The following CSMD1 variants were observed in gnomAD, a reference collection of about 807,000 sequenced individuals.
The protein encoded by CSMD1 is CUB and sushi domain-containing protein 1.
Under a neutral mutation model 417.5 loss-of-function variants are expected in CSMD1, and 213 were observed. The ratio of observed to expected loss-of-function variants is 0.51; its 90% CI spans 0.46 to 0.57. The LOEUF (loss-of-function observed/expected upper bound fraction) is 0.57, where lower values mean the gene tolerates loss of function less well. Among genes scored for constraint, CSMD1 ranks in the 20% least tolerant of loss-of-function variants. The probability of loss-of-function intolerance (pLI) is 0.00; values close to 1 mark genes in which losing one functional copy is unlikely to be tolerated. For missense variants in CSMD1, 6,923 were observed against 4,529.7 expected (o/e 1.53, Z -15.17); for synonymous variants, 2,862 against 1,736.8 (o/e 1.65, Z -16.11).
intron 3 of CSMD1, among the ~76,000 whole-genome samples, chr8:4,375,106 T>TGAAGAAC (rs1554450797): frequency 6.6e-6 from 1 of 151,946 alleles, no homozygotes; most frequent in Non-Finnish European, 1.5e-5. Context: ...TTGGCAGACC[T>TGAAGAAC]GAAGAACGAA....
chr8:3,493,156 T>C (rs1796205984), intron 11 of CSMD1, among the ~76,000 whole-genome samples: 1 of 151,894 alleles, frequency 6.6e-6, no homozygotes, highest in Non-Finnish European at 1.5e-5. Flanking sequence ...TAGCCTGGCA[T>C]GATGGCACAC....
chr8:4,373,525 G>T (rs1241648808), intron 3 of CSMD1, among the ~76,000 whole-genome samples: 1 of 152,020 alleles, frequency 6.6e-6, no homozygotes, highest in Non-Finnish European at 1.5e-5. Flanking sequence ...CAGAACTACT[G>T]CATTATTCCT....
rs183067266 is a variant in CSMD1, at chr8:3,738,532, G to A, written c.931+15398C>T. ...GATCAGAAATGCAAATACTGGTCCT[G>A]CCGCCAAACATGAATGCCCTTCCCT... On this transcript the variant is annotated intron_variant, in intron 6 of 69. Coordinates refer to ENST00000635120, the MANE Select transcript of CSMD1 (RefSeq NM_033225.6). 3.3e-5 allele frequency among the ~76,000 whole-genome samples: 5 copies of A among 152,302 alleles called. No individual in the cohort carries two copies. The East Asian group carries it at 7.7e-4, about 24-fold the overall frequency.
intron 5 of CSMD1, among the ~76,000 whole-genome samples, chr8:3,839,898 G>C (rs1803006768): frequency 6.6e-6 from 1 of 152,120 alleles, no homozygotes; most frequent in East Asian, 1.9e-4. Flanking sequence ...TTTTGAGGTA[G>C]TAGGTACCTA....
chr8:4,454,216 C>A (rs546653027), intron 2 of CSMD1, among the ~76,000 whole-genome samples: 1 of 152,094 alleles, frequency 6.6e-6, no homozygotes, highest in African/African-American at 2.4e-5. Flanking sequence ...GTCTCCTTAT[C>A]CACCCCCAAC....
chr8:4,342,235 G>C (rs1309601494), intron 3 of CSMD1, among the ~76,000 whole-genome samples: 5 of 151,244 alleles, frequency 3.3e-5, no homozygotes, highest in African/African-American at 9.7e-5. Context: ...GTGTGTGTCT[G>C]TGTGTGTGTG....
chr8:4,564,467 C>A (rs547231070), intron 2 of CSMD1, among the ~76,000 whole-genome samples: 147 of 152,214 alleles, frequency 9.7e-4, no homozygotes, highest in South Asian at 1.5e-3. Context: ...GGGGCCTGAT[C>A]CTGGTTCAGG....
At chr8:3,633,846 G>T (rs1039951251) in intron 7 of CSMD1, among the ~76,000 whole-genome samples, 1 of 152,132 alleles carries the variant, frequency 6.6e-6, no homozygotes, top group African/African-American at 2.4e-5. Flanking sequence ...TAAATATCAG[G>T]CTGTGAACAT....
In CSMD1 at chr8:4,281,553, T is replaced by C. The variant is rs1796785947; in HGVS notation, c.415+138400A>G. Among the ~76,000 whole-genome samples, 3 of 152,244 alleles carry C rather than the reference T, an allele frequency of 2.0e-5. No homozygotes were observed. The South Asian group carries it at 6.2e-4, about 31-fold the overall frequency. ...ACATTAAAGGTCCTTTAAAATGTTG[T>C]GACAAATGAGACTGTTCTTTTTCTG... On this transcript the variant is annotated intron_variant, in intron 3 of 69. Coordinates refer to ENST00000635120, the MANE Select transcript of CSMD1 (RefSeq NM_033225.6).
At chr8:3,063,252 T>A (rs941892432) in intron 49 of CSMD1, among the ~76,000 whole-genome samples, 8 of 152,214 alleles carry the variant, frequency 5.3e-5, no homozygotes, top group African/African-American at 1.9e-4. Flanking sequence ...GAAGCACATG[T>A]TGTCTCTGAT....
chr8:3,515,965 C>T lies in CSMD1; in HGVS notation c.1345-22239G>A, dbSNP rs534608890. On this transcript the variant is annotated intron_variant, in intron 10 of 69. Coordinates refer to ENST00000635120, the MANE Select transcript of CSMD1 (RefSeq NM_033225.6). ...TGTTTGAGTGACGTACCAAACTGTT[C>T]GTTGCCAGTCAATGTTCTAAAGGTT... Among the ~76,000 whole-genome samples, 19 of 152,230 alleles carry T rather than the reference C, an allele frequency of 1.2e-4. 1 individual carries two copies. The South Asian group carries it at 3.3e-3, about 27-fold the overall frequency.
intron 3 of CSMD1, among the ~76,000 whole-genome samples, chr8:4,154,652 T>C (rs1015557774): frequency 1.3e-5 from 2 of 152,204 alleles, no homozygotes; most frequent in Non-Finnish European, 2.9e-5. Flanking sequence ...AGGAATTGTA[T>C]TCTAGTCCCT....
chr8:3,278,672 G>A (rs1802497134), intron 26 of CSMD1: 1 of 151,450 alleles, frequency 6.6e-6, no homozygotes, highest in Non-Finnish European at 1.5e-5. Flanking sequence ...TTTGGTCCCA[G>A]GTTCATAAAG....
chr8:3,357,481 G>C (rs1201965984), intron 21 of CSMD1, among the ~76,000 whole-genome samples: 2 of 152,154 alleles, frequency 1.3e-5, no homozygotes, highest in East Asian at 1.9e-4. Context: ...TTAATAAATA[G>C]TACCTATTCT....
At chr8:4,764,183 TGA>T (rs1028832542) in intron 1 of CSMD1, among the ~76,000 whole-genome samples, 4 of 152,210 alleles carry the variant, frequency 2.6e-5, no homozygotes, top group African/African-American at 9.6e-5. Flanking sequence ...GCTGAAATCA[TGA>T]GAGTGACCAT....
rs557582098 is a variant in CSMD1, at chr8:4,444,651, CATG to C, written c.303-24589_303-24587del. Among the ~76,000 whole-genome samples the C allele has an allele frequency of 3.3e-5, 5 of 152,184 alleles. No individual in the cohort carries two copies. The South Asian group carries it at 6.2e-4, about 19-fold the overall frequency. ...TAAACATGGTTATTATCATTCAGGGCATGATTGTAATTGTGATGACATGTTGAA... is the reference window on the plus strand; with the variant it reads ...TAAACATGGTTATTATCATTCAGGGCATTGTAATTGTGATGACATGTTGAA... On this transcript the variant is annotated intron_variant, in intron 2 of 69. Coordinates refer to ENST00000635120, the MANE Select transcript of CSMD1 (RefSeq NM_033225.6).
chr8:4,614,755 T>A (rs943155318), intron 2 of CSMD1, among the ~76,000 whole-genome samples: 79 of 152,268 alleles, frequency 5.2e-4, no homozygotes, highest in African/African-American at 1.8e-3. Flanking sequence ...GACTGTCACC[T>A]GAGATAATAA....
intron 5 of CSMD1, among the ~76,000 whole-genome samples, chr8:3,909,522 G>C (rs1036424366): frequency 1.3e-5 from 2 of 152,154 alleles, no homozygotes; most frequent in African/African-American, 2.4e-5. Flanking sequence ...TGTTCCCACA[G>C]CGTGGTCGCT....
At chr8:4,287,878 C>A (rs1700038) in intron 3 of CSMD1, among the ~76,000 whole-genome samples, 1 of 151,952 alleles carries the variant, frequency 6.6e-6, no homozygotes, top group Non-Finnish European at 1.5e-5. Context: ...CAAGGGCAGT[C>A]TCAGGACATC....
Sources: allele counts gnomAD v4.1 joint callset (sites outside exome capture counted in the v4.1 genomes callset), GRCh38; gene constraint gnomAD v4.1.1; transcripts MANE v1.5; gene names NCBI Gene and HGNC (gene_info 2026-07-23, HGNC 2026-07-21).